FMN1: variants seen among roughly 807,000 people sequenced by gnomAD.
FMN1 encodes the protein formin 1.
In FMN1, 110 loss-of-function variants were observed where a neutral mutation model predicts 132.4. That is an observed-to-expected ratio of 0.83 (90% CI 0.71 to 0.97). FMN1 has a LOEUF of 0.97. Among genes scored for constraint, FMN1 ranks in the 50% least tolerant of loss-of-function variants. The pLI is 0.00. For missense variants in FMN1, 1,792 were observed against 1,705.3 expected, an observed-to-expected ratio of 1.05 and a Z score of -0.90; for synonymous variants, 722 against 651.7, an observed-to-expected ratio of 1.11 and a Z score of -1.64.
At chr15:33,053,693 G>T (rs2037084590) in intron 6 of FMN1, among the ~76,000 whole-genome samples, 1 of 152,094 alleles carries the variant, frequency 6.6e-6, no homozygotes, top group African/African-American at 2.4e-5. Context: ...AATGCTGTCT[G>T]TATTGTTATA....
intron 6 of FMN1, among the ~76,000 whole-genome samples, chr15:33,030,959 C>T (rs934000466): frequency 1.3e-5 from 2 of 152,074 alleles, no homozygotes; most frequent in African/African-American, 2.4e-5. Flanking sequence ...TCTCCTAATG[C>T]TGTCCCTCCC....
chr15:32,953,048 C>T (rs866558792), intron 9 of FMN1, among the ~76,000 whole-genome samples: 3 of 152,204 alleles, frequency 2.0e-5, no homozygotes, highest in Admixed American at 6.5e-5. Flanking sequence ...ATGTAAGGGG[C>T]TTGGCGGCTA....
chr15:32,909,522 T>G (rs2060506920), intron 11 of FMN1, among the ~76,000 whole-genome samples: 1 of 152,222 alleles, frequency 6.6e-6, no homozygotes, highest in South Asian at 2.1e-4. Context: ...AAGCCTAGAC[T>G]ATTAGACTAT....
chr15:32,864,950 C>A (rs1448002097), intron 16 of FMN1, among the ~76,000 whole-genome samples: 1 of 152,306 alleles, frequency 6.6e-6, no homozygotes, highest in African/African-American at 2.4e-5. Context: ...CAAGTACATA[C>A]TACTACATAG....
At chr15:32,877,937 T>C (rs939665551) in intron 16 of FMN1, among the ~76,000 whole-genome samples, 8 of 152,124 alleles carry the variant, frequency 5.3e-5, no homozygotes, top group South Asian at 4.1e-4. Context: ...GCACAGTAAA[T>C]ATAAACATAA....
At position 32,770,513 on chromosome 15, in the gene FMN1, T is replaced by C. The variant is rs1333244088; in HGVS notation, c.*3797A>G. 6.6e-6 allele frequency: 1 copy of C among 152,264 alleles called. No homozygotes were observed. The highest frequency in any genetic ancestry group is 1.5e-5 in the Non-Finnish European group (1 of 68,042). 9.4% of individuals were successfully genotyped at this position (152,264 alleles called of 1,614,324 possible). On this transcript the variant is annotated 3_prime_UTR_variant, in exon 21 of 21. Transcript: ENST00000616417. ...GCGGCCCTTAGAAAAACCGTACCAA[T>C]GACTTATCTTACTGGAGGTGTTAAT... is the stretch of plus-strand genomic sequence containing the variant.
chr15:33,080,442 T>C (rs924922523), intron 5 of FMN1, among the ~76,000 whole-genome samples: 1 of 152,176 alleles, frequency 6.6e-6, no homozygotes, highest in South Asian at 2.1e-4. Context: ...TGCATTTAAT[T>C]ATATGTCTGC....
At chr15:33,110,270 C>T (rs2039649965) in intron 4 of FMN1, among the ~76,000 whole-genome samples, 1 of 151,980 alleles carries the variant, frequency 6.6e-6, no homozygotes, top group African/African-American at 2.4e-5. Flanking sequence ...ATGGTCTATT[C>T]TCTTTGCAGA....
At chr15:33,107,490 C>T (rs566745263) in intron 4 of FMN1, among the ~76,000 whole-genome samples, 1 of 152,120 alleles carries the variant, frequency 6.6e-6, no homozygotes, top group South Asian at 2.1e-4. Flanking sequence ...TTCTCCCCAT[C>T]TCCTAACCTC....
chr15:33,089,859 G>A (rs2038842859), intron 4 of FMN1, among the ~76,000 whole-genome samples: 1 of 152,182 alleles, frequency 6.6e-6, no homozygotes, highest in African/African-American at 2.4e-5. Context: ...GGATTTTACG[G>A]TCAAGTAAGT....
At chr15:33,027,426 A>G (rs1187281754) in intron 6 of FMN1, among the ~76,000 whole-genome samples, 1 of 152,236 alleles carries the variant, frequency 6.6e-6, no homozygotes, top group Non-Finnish European at 1.5e-5. Flanking sequence ...TGGCAACTCT[A>G]GGAACTCTTA....
intron 6 of FMN1, among the ~76,000 whole-genome samples, chr15:33,009,044 G>T (rs143318083): frequency 6.6e-6 from 1 of 152,186 alleles, no homozygotes; most frequent in Non-Finnish European, 1.5e-5. Context: ...GAAATCATTG[G>T]CAAAGCCACG....
At chr15:32,896,878 G>A (rs1484367537) in intron 15 of FMN1, among the ~76,000 whole-genome samples, 1 of 152,044 alleles carries the variant, frequency 6.6e-6, no homozygotes, top group African/African-American at 2.4e-5. Context: ...AATATGAGAG[G>A]GAAAATGTCT....
intron 6 of FMN1, among the ~76,000 whole-genome samples, chr15:33,046,143 C>T (rs1398634898): frequency 6.6e-6 from 1 of 152,052 alleles, no homozygotes; most frequent in Non-Finnish European, 1.5e-5. Context: ...AAATATCAAT[C>T]TCTAGAGAAA....
intron 6 of FMN1, among the ~76,000 whole-genome samples, chr15:33,055,462 A>G (rs2037174070): frequency 1.3e-5 from 2 of 152,214 alleles, no homozygotes; most frequent in Non-Finnish European, 2.9e-5. Context: ...CACAGTCATT[A>G]AGACAGTGTG....
At chr15:32,785,216 ATATTTTT>A (rs1369677005) in intron 19 of FMN1, among the ~76,000 whole-genome samples, 26 of 20,112 alleles carry the variant, frequency 1.3e-3, no homozygotes, top group Non-Finnish European at 2.3e-3. Flanking sequence ...ATATATATAT[ATATTTTT>A]TTTTTTTTTT....
At chr15:32,848,999 T>TTTTTTTC (rs1304625395) in intron 17 of FMN1, among the ~76,000 whole-genome samples, 1 of 145,002 alleles carries the variant, frequency 6.9e-6, no homozygotes, top group African/African-American at 2.6e-5. Flanking sequence ...TTTTTTTTTT[T>TTTTTTTC]CAGAGACAGA....
intron 17 of FMN1, among the ~76,000 whole-genome samples, chr15:32,813,717 T>C (rs2057964846): frequency 6.6e-6 from 1 of 152,158 alleles, no homozygotes; most frequent in African/African-American, 2.4e-5. Context: ...CAGTATAACC[T>C]TAACCTTGCT....
intron 4 of FMN1, among the ~76,000 whole-genome samples, chr15:33,100,527 G>A (rs528847599): frequency 6.6e-6 from 1 of 152,144 alleles, no homozygotes; most frequent in Non-Finnish European, 1.5e-5. Context: ...GGAGGGGAGG[G>A]GTCAAGATGG....
Sources: gnomAD v4.1 joint callset for allele counts (sites outside exome capture counted in the v4.1 genomes callset) on GRCh38, gnomAD v4.1.1 for gene constraint, MANE v1.5 for transcripts, NCBI Gene and HGNC (gene_info 2026-07-23, HGNC 2026-07-21) for gene names.